DAAM2: variants seen among roughly 807,000 people sequenced by gnomAD.
DAAM2 encodes disheveled-associated activator of morphogenesis 2.
DAAM2 carries 39 observed loss-of-function variants against 120.7 expected under a neutral mutation model. The observed-to-expected ratio is 0.32, with a 90% CI of 0.25 to 0.42. The LOEUF is 0.42. Among genes scored for constraint, DAAM2 ranks in the 10% least tolerant of loss-of-function variants. DAAM2 has a pLI of 1.00. For synonymous variants in DAAM2, 488 were observed against 524.9 expected, an observed-to-expected ratio of 0.93 and a Z score of 0.96; for missense variants, 1,283 against 1,401.7, an observed-to-expected ratio of 0.92 and a Z score of 1.35.
Position 39,900,133 on chromosome 6 carries a change from C to T in DAAM2, c.2736C>T (p.Val912=). ...VREPSDKFVP[V]MSDFITVSSF... ...AGCCCAGTGACAAGTTTGTCCCTGT[C>T]ATGAGCGACTTCATCACGGTGTCCA... Residue 912 remains valine, a synonymous_variant, in exon 23 of 25, where the codon GTC becomes GTT. Coordinates refer to ENST00000274867, the MANE Select transcript of DAAM2 (RefSeq NM_001201427.2). 6.2e-7 allele frequency: 1 copy of T among 1,602,320 alleles called. No individual in the cohort carries two copies. The highest frequency in any genetic ancestry group is 8.5e-7 in the Non-Finnish European group (1 of 1,174,536).
At chr6:39,849,103 C>T (rs1474914113) in intron 1 of DAAM2, among the ~76,000 whole-genome samples, 1 of 152,136 alleles carries the variant, frequency 6.6e-6, no homozygotes, top group Non-Finnish European at 1.5e-5. Flanking sequence ...TGGATATTGT[C>T]AGTTGCGTAG....
chr6:39,892,859 G>T (rs904649111), intron 19 of DAAM2, among the ~76,000 whole-genome samples: 1 of 152,134 alleles, frequency 6.6e-6, no homozygotes, highest in Non-Finnish European at 1.5e-5. Context: ...ATCAGATCTT[G>T]TTCCCCCTCA....
chr6:39,886,356 G>A (rs1204722586), intron 15 of DAAM2: 1 of 399,156 alleles, frequency 2.5e-6, no homozygotes, highest in Non-Finnish European at 4.4e-6. Flanking sequence ...CTATTTCTGG[G>A]TCCCCAAATG....
chr6:39,872,307 G>A (rs1011705812), intron 9 of DAAM2, among the ~76,000 whole-genome samples: 1 of 152,244 alleles, frequency 6.6e-6, no homozygotes, highest in South Asian at 2.1e-4. Flanking sequence ...CACCTAAAAC[G>A]AACCATCACA....
In DAAM2 at chr6:39,900,547, T is replaced by C. The variant is rs561746677; in HGVS notation, c.2811+339T>C. 3.9e-5 allele frequency among the ~76,000 whole-genome samples: 6 copies of C among 152,318 alleles called. No individual in the cohort carries two copies. In the South Asian group the frequency reaches 1.2e-3, roughly 32 times the overall value. On this transcript the variant is annotated intron_variant, in intron 23 of 24. Transcript: ENST00000274867. Reference sequence around the variant, plus strand: ...CCCAAGATTGCCCAGCTGTAAGTTATAGAACTGGGTTAGAATCTGACACCA... The same window carrying C: ...CCCAAGATTGCCCAGCTGTAAGTTACAGAACTGGGTTAGAATCTGACACCA...
intron 19 of DAAM2, among the ~76,000 whole-genome samples, chr6:39,896,107 G>A (rs1350886111): frequency 6.6e-6 from 1 of 152,096 alleles, no homozygotes; most frequent in East Asian, 1.9e-4. Context: ...CCCATAATAG[G>A]TAAAATGCTG....
chr6:39,851,076 C>G (rs1763790763), intron 1 of DAAM2, among the ~76,000 whole-genome samples: 1 of 152,150 alleles, frequency 6.6e-6, no homozygotes, highest in Non-Finnish European at 1.5e-5. Context: ...TAATAACCAC[C>G]TTATAAGGTC....
rs368630107 is a variant in DAAM2 at position 39,884,009 on chromosome 6, A to C, written c.1893A>C (p.Val631=). The part of the protein sequence containing the change: ...TVWNEIDDMQ[V]FRILDLEDFE... ...GGAATGAGATTGATGACATGCAGGT[A>C]TTTCGGATCCTGGACCTAGAGGATT... Residue 631 remains valine, a synonymous_variant, in exon 15 of 25, where the codon GTA becomes GTC. Coordinates refer to ENST00000274867, the MANE Select transcript of DAAM2 (RefSeq NM_001201427.2). 25 of 1,613,562 alleles carry C rather than the reference A, an allele frequency of 1.5e-5. No homozygotes were observed. In the African/African-American group the frequency reaches 3.2e-4, roughly 21 times the overall value.
At position 39,887,507 on chromosome 6, in the gene DAAM2, G is replaced by T; in HGVS notation, c.1975G>T (p.Asp659Tyr). 6.2e-7 allele frequency: 1 copy of T among 1,613,610 alleles called. No individual in the cohort carries two copies. Among genetic ancestry groups the T allele is most frequent in the South Asian group, 1.1e-5 (1 of 90,938 alleles). The change falls in exon 16 of 25, where the codon GAC (aspartate) becomes TAC (tyrosine). Residue 659 changes from aspartate to tyrosine, a missense_variant. Around this residue, in one of 3 missense-constraint regions of DAAM2, gnomAD observed 748 missense variants for 768.6 expected, o/e 0.97. Transcript: ENST00000274867. ...RHQKELGSTEDIYLASRKVKE... is the reference protein window; with the variant it reads ...RHQKELGSTEYIYLASRKVKE... ...GCAGAAAGAGCTGGGCTCCACTGAA[G>T]ACATCTACCTGGCTTCCCGCAAGGT...
chr6:39,869,693 C>T (rs1489934441), intron 7 of DAAM2, among the ~76,000 whole-genome samples: 1 of 150,398 alleles, frequency 6.6e-6, no homozygotes, highest in Non-Finnish European at 1.5e-5. Context: ...ACTTGAAGGA[C>T]AGAGGGGGCA....
chr6:39,854,691 T>C (rs1036791706), intron 1 of DAAM2, among the ~76,000 whole-genome samples: 9 of 152,256 alleles, frequency 5.9e-5, no homozygotes, highest in Admixed American at 3.3e-4. Context: ...GCCACATTTA[T>C]ATTGTTCTCT....
Position 39,878,603 on chromosome 6 carries a change from C to A in DAAM2, c.1545+15C>A, listed in dbSNP as rs1764971594. ...GTGAACTCTCAGTATGCAAGCATCT[C>A]CCCCTTTACATAGTTGAGCCAAGAC... On this transcript the variant is annotated intron_variant, in intron 13 of 24. Coordinates refer to ENST00000274867, the MANE Select transcript of DAAM2 (RefSeq NM_001201427.2). This position sits in a 1 kb window ranked among gnomAD's most constrained non-coding sequence, Gnocchi z 5.0. 6.3e-7 allele frequency: 1 copy of A among 1,592,948 alleles called. No homozygotes were observed. Among genetic ancestry groups the A allele is most frequent in the African/African-American group, 1.3e-5 (1 of 74,196 alleles).
At chr6:39,831,379 G>A (rs901782230) in intron 1 of DAAM2, among the ~76,000 whole-genome samples, 3 of 152,026 alleles carry the variant, frequency 2.0e-5, no homozygotes, top group Non-Finnish European at 4.4e-5. Flanking sequence ...TGCTGAATAG[G>A]TGCCTGGTGC....
intron 1 of DAAM2, among the ~76,000 whole-genome samples, chr6:39,830,552 C>T (rs1253091164): frequency 6.6e-6 from 1 of 152,158 alleles, no homozygotes; most frequent in African/African-American, 2.4e-5. Context: ...CCCTCCGGCT[C>T]AGGCAGTGCA....
chr6:39,811,174 A>AGTGTGTGTGT (rs59432565), intron 1 of DAAM2, among the ~76,000 whole-genome samples: 2,339 of 146,506 alleles, frequency 0.016, 40 homozygotes, highest in African/African-American at 0.036. Context: ...AACTGAAGGG[A>AGTGTGTGTGT]GTGTGTGTGT....
intron 1 of DAAM2, among the ~76,000 whole-genome samples, chr6:39,816,018 C>T (rs185112475): frequency 6.5e-4 from 99 of 152,364 alleles, no homozygotes; most frequent in African/African-American, 2.0e-3. Flanking sequence ...GGATTCCTCC[C>T]TCATAGGGAG....
Position 39,901,942 on chromosome 6 carries a change from A to G in DAAM2, c.3112A>G (p.Lys1038Glu), listed in dbSNP as rs780722066. ...SALRSGEVFD[K>E]DLCKLKRSRK... ...CCTGCGCTCTGGGGAGGTCTTCGAC[A>G]AGGACTTATGCAAGCTCAAGCGCAG... Residue 1038 changes from lysine (K) to glutamate (E), a missense_variant, in exon 25 of 25, where the codon AAG becomes GAG. By Grantham distance (56) the Lys-to-Glu change is moderately conservative. Coordinates refer to ENST00000274867, the MANE Select transcript of DAAM2 (RefSeq NM_001201427.2). This position sits in a 1 kb window ranked among gnomAD's most constrained non-coding sequence, Gnocchi z 4.5. 37 of 1,612,152 alleles carry G rather than the reference A, an allele frequency of 2.3e-5. No individual in the cohort carries two copies. The highest frequency in any genetic ancestry group is 3.1e-5 in the Non-Finnish European group (36 of 1,178,620).
Position 39,902,306 on chromosome 6 carries a change from C to A in DAAM2, c.*269C>A. On this transcript the variant is annotated 3_prime_UTR_variant, in exon 25 of 25. Coordinates refer to ENST00000274867, the MANE Select transcript of DAAM2 (RefSeq NM_001201427.2). ...CTTGGATGGCCTCAGGCCAGGTAAC[C>A]CCAGGCTGAAGGGGCCCTGCTCCCC... is the stretch of plus-strand genomic sequence containing the variant. 1 of 344,484 alleles carries A rather than the reference C, an allele frequency of 2.9e-6. No individual in the cohort carries two copies. Among genetic ancestry groups the A allele is most frequent in the Non-Finnish European group, 5.2e-6 (1 of 191,090 alleles). 21.3% of individuals were successfully genotyped at this position (344,484 alleles called of 1,614,324 possible). A position where few individuals can be genotyped will look rare whatever the true frequency, so the allele number is the denominator to read the frequency against.
intron 1 of DAAM2, among the ~76,000 whole-genome samples, chr6:39,798,588 G>A (rs1381807354): frequency 6.6e-6 from 1 of 152,176 alleles, no homozygotes; most frequent in Non-Finnish European, 1.5e-5. Context: ...AAGTGTGAGT[G>A]AGGTGCTTTT....
Sources: gnomAD v4.1 joint callset for allele counts (sites outside exome capture counted in the v4.1 genomes callset) on GRCh38, gnomAD v4.1.1 for gene constraint, gnomAD v4.1.1 regional missense constraint, Gnocchi (gnomAD v3.1) non-coding constraint, MANE v1.5 for transcripts, NCBI Gene and HGNC (gene_info 2026-07-23, HGNC 2026-07-21) for gene names.